The following SYNPR variants were observed in gnomAD, a reference collection of about 807,000 sequenced individuals.
SYNPR encodes synaptoporin.
SYNPR carries 23 observed loss-of-function variants against 32.9 expected under a neutral mutation model. The ratio of observed to expected loss-of-function variants is 0.70; its 90% CI spans 0.50 to 0.99. SYNPR has a LOEUF of 0.99. SYNPR is among the 50% of genes least tolerant of loss of function. The pLI is 0.00. For missense variants in SYNPR, 318 were observed against 349.3 expected (o/e 0.91, Z 0.71); for synonymous variants, 146 against 135.9 (o/e 1.07, Z -0.52).
chr3:63,236,756 TTTTTGTAGG>T (rs1176671120), intron 1 of SYNPR, among the ~76,000 whole-genome samples: 8 of 152,148 alleles, frequency 5.3e-5, no homozygotes, highest in African/African-American at 1.9e-4. Flanking sequence ...TCTAGGAGTA[TTTTTGTAGG>T]TTATTTGGGA....
chr3:63,209,121 A>G, the SYNPR span, among the ~76,000 whole-genome samples: 1 of 152,154 alleles, frequency 6.6e-6, no homozygotes, highest in Non-Finnish European at 1.5e-5. Flanking sequence ...GTTTTAAACC[A>G]TCCTGGCTAA....
chr3:63,328,598 GC>G lies in SYNPR; in HGVS notation c.84+49859del, dbSNP rs2087191062. On this transcript the variant is annotated intron_variant, in intron 2 of 5. Coordinates refer to ENST00000478300, the MANE Select transcript of SYNPR (RefSeq NM_001130003.2). ...TGGTGACTAAGAATAGTAGCCAGCA[GC>G]CCTGGGAAGAATGCAGTGCTCTGGG... 4.6e-5 allele frequency among the ~76,000 whole-genome samples: 7 copies of G among 152,258 alleles called. No individual in the cohort carries two copies. In the South Asian group the frequency reaches 1.5e-3, roughly 32 times the overall value.
At chr3:63,599,763 A>AT (rs1276995169) in intron 4 of SYNPR, among the ~76,000 whole-genome samples, 1 of 152,170 alleles carries the variant, frequency 6.6e-6, no homozygotes, top group Non-Finnish European at 1.5e-5. Flanking sequence ...AAGATATTTT[A>AT]TTTTTACTGT....
chr3:63,240,164 T>C (rs191977577), intron 1 of SYNPR, among the ~76,000 whole-genome samples: 11 of 152,232 alleles, frequency 7.2e-5, no homozygotes, highest in Non-Finnish European at 7.4e-5. Context: ...AGACTTAACA[T>C]GCAAAGCAGT....
intron 3 of SYNPR, among the ~76,000 whole-genome samples, chr3:63,528,243 C>A (rs1254156871): frequency 6.6e-6 from 1 of 152,138 alleles, no homozygotes; most frequent in African/African-American, 2.4e-5. Context: ...TATTATGCAA[C>A]CTCAATTTGG....
intron 3 of SYNPR, among the ~76,000 whole-genome samples, chr3:63,521,953 A>T (rs2106773894): frequency 6.6e-6 from 1 of 152,300 alleles, no homozygotes; most frequent in East Asian, 1.9e-4. Context: ...AGGACAAAAG[A>T]GCAGGTTGAG....
At chr3:63,365,234 C>G (rs1461831860) in intron 2 of SYNPR, among the ~76,000 whole-genome samples, 1 of 152,070 alleles carries the variant, frequency 6.6e-6, no homozygotes, top group Non-Finnish European at 1.5e-5. Context: ...CAGACTCTAC[C>G]AAATGACATC....
At chr3:63,416,391 G>A (rs184110311) in intron 2 of SYNPR, among the ~76,000 whole-genome samples, 1 of 152,152 alleles carries the variant, frequency 6.6e-6, no homozygotes, top group East Asian at 1.9e-4. Context: ...AATTAGCCAG[G>A]CGTGGTGGTG....
chr3:63,441,738 G>A (rs76747195), intron 2 of SYNPR, among the ~76,000 whole-genome samples: 2,861 of 152,204 alleles, frequency 0.019, 85 homozygotes, highest in African/African-American at 0.065. Context: ...GGGGCCATGG[G>A]GCATGTACAG....
At chr3:63,273,099 C>T (rs1363357645) in intron 3 of SYNPR, among the ~76,000 whole-genome samples, 3 of 152,072 alleles carry the variant, frequency 2.0e-5, no homozygotes, top group Non-Finnish European at 4.4e-5. Flanking sequence ...TGTTCTAGTA[C>T]GTTCCTGGAA....
chr3:63,228,958 G>GAA (rs1230073805), intron 1 of SYNPR, among the ~76,000 whole-genome samples: 1 of 150,738 alleles, frequency 6.6e-6, no homozygotes, highest in East Asian at 1.9e-4. Context: ...CAAACAAACA[G>GAA]AAAAAAACAT....
chr3:63,226,672 A>T (rs1262693645), upstream of SYNPR, among the ~76,000 whole-genome samples: 2 of 152,184 alleles, frequency 1.3e-5, no homozygotes, highest in African/African-American at 4.8e-5. Context: ...GAGACAGAGA[A>T]TAGAATGATA....
chr3:63,475,255 G>A (rs1000341449), intron 2 of SYNPR, among the ~76,000 whole-genome samples: 28 of 152,248 alleles, frequency 1.8e-4, no homozygotes, highest in African/African-American at 6.5e-4. Flanking sequence ...GAACAGAGCC[G>A]TAGATCATCT....
chr3:63,530,384 T>C (rs929042306), intron 3 of SYNPR, among the ~76,000 whole-genome samples: 7 of 152,082 alleles, frequency 4.6e-5, no homozygotes, highest in Non-Finnish European at 7.4e-5. Flanking sequence ...TGTGTTCAAG[T>C]GGAAGGAGAT....
chr3:63,243,896 A>C (rs190422464), intron 1 of SYNPR, among the ~76,000 whole-genome samples: 1 of 152,110 alleles, frequency 6.6e-6, no homozygotes, highest in South Asian at 2.1e-4. Context: ...AACAAAACAA[A>C]AAAACAGGCT....
At chr3:63,613,962 T>C (rs552621584) in intron 5 of SYNPR, among the ~76,000 whole-genome samples, 6 of 152,236 alleles carry the variant, frequency 3.9e-5, no homozygotes, top group Admixed American at 2.0e-4. Flanking sequence ...TGCTAAAATA[T>C]TGAAATATTT....
Position 63,494,498 on chromosome 3 carries a change from CATAT to C in SYNPR, c.209+13546_209+13549del, listed in dbSNP as rs1464300565. Among the ~76,000 whole-genome samples, 19 of 107,178 alleles carry C rather than the reference CATAT, an allele frequency of 1.8e-4. No individual in the cohort carries two copies. The East Asian group carries it at 2.0e-3, about 11-fold the overall frequency. The allele number at this position is 107,178 out of a possible 152,430, so 70.3% of individuals were successfully genotyped here. A position where few individuals can be genotyped will look rare whatever the true frequency, so the allele number is the denominator to read the frequency against. Reference sequence around the variant, plus strand: ...ATATACATATATATACATATATATACATATATACATATATACATATATACATATA... The same window carrying C: ...ATATACATATATATACATATATATACATACATATATACATATATACATATA... On this transcript the variant is annotated intron_variant, in intron 3 of 5. Coordinates refer to ENST00000478300, the MANE Select transcript of SYNPR (RefSeq NM_001130003.2).
chr3:63,384,453 T>C lies in SYNPR; in HGVS notation c.85-96379T>C, dbSNP rs946162742. ...AAGTCTAGCTATTTATGATAATGTC[T>C]TTCTTTGACTACAGTGTGTAATTTT... On this transcript the variant is annotated intron_variant, in intron 2 of 5. Transcript: ENST00000478300. 2.6e-5 allele frequency among the ~76,000 whole-genome samples: 4 copies of C among 152,296 alleles called. No homozygotes were observed. The East Asian group carries it at 7.7e-4, about 29-fold the overall frequency.
chr3:63,574,538 G>A (rs1702945238), intron 4 of SYNPR, among the ~76,000 whole-genome samples: 1 of 152,118 alleles, frequency 6.6e-6, no homozygotes, highest in African/African-American at 2.4e-5. Context: ...AACATCCCAT[G>A]AGGCAAAGGA....
Sources: allele counts gnomAD v4.1 joint callset (sites outside exome capture counted in the v4.1 genomes callset), GRCh38; gene constraint gnomAD v4.1.1; transcripts MANE v1.5; gene names NCBI Gene and HGNC (gene_info 2026-07-23, HGNC 2026-07-21).